Variants in USO1 observed in about 807,000 individuals in gnomAD.
USO1 encodes the protein general vesicular transport factor p115.
A neutral mutation model predicts 124.5 loss-of-function variants in USO1; 57 were observed. The observed-to-expected ratio is 0.46, with a 90% CI of 0.37 to 0.57. The LOEUF (loss-of-function observed/expected upper bound fraction) is 0.57, where lower values mean the gene tolerates loss of function less well. USO1 is among the 20% of genes least tolerant of loss of function. The pLI, the probability that USO1 is intolerant of heterozygous loss-of-function variation, is 0.00. For synonymous variants in USO1, 369 were observed against 362.8 expected (o/e 1.02, Z -0.19); for missense variants, 900 against 1,040.6 (o/e 0.86, Z 1.86).
intron 1 of USO1, among the ~76,000 whole-genome samples, chr4:75,748,621 C>A (rs913224921): frequency 2.6e-5 from 4 of 152,170 alleles, no homozygotes; most frequent in Non-Finnish European, 5.9e-5. Context: ...GCTCTATACA[C>A]CAACCAAAGG....
chr4:75,812,744 A>G (rs945600630), intron 23 of USO1, among the ~76,000 whole-genome samples: 1 of 152,210 alleles, frequency 6.6e-6, no homozygotes, highest in Non-Finnish European at 1.5e-5. Flanking sequence ...TATCTCATTC[A>G]TATTAGAAAT....
At chr4:75,756,480 A>G (rs1166208244) in intron 3 of USO1, among the ~76,000 whole-genome samples, 1 of 151,374 alleles carries the variant, frequency 6.6e-6, no homozygotes, top group African/African-American at 2.4e-5. Flanking sequence ...CTCTTATGTA[A>G]AGTGGTCTTT....
At chr4:75,757,604 C>A in intron 4 of USO1, 31 bp downstream of exon 4, 2 of 1,431,512 alleles carry the variant, frequency 1.4e-6, no homozygotes, top group Non-Finnish European at 1.8e-6. Context: ...ACTGTGTTTT[C>A]TGTACTTAAA....
At chr4:75,793,205 C>CTT (rs67560505) in intron 12 of USO1, among the ~76,000 whole-genome samples, 52 of 87,714 alleles carry the variant, frequency 5.9e-4, no homozygotes, top group African/African-American at 9.2e-4. Flanking sequence ...TCTCTCTCTC[C>CTT]TTTTTTTTTT....
intron 1 of USO1, among the ~76,000 whole-genome samples, chr4:75,729,116 A>G (rs1720553318): frequency 6.6e-6 from 1 of 151,958 alleles, no homozygotes; most frequent in African/African-American, 2.4e-5. Flanking sequence ...GTACTTTTAC[A>G]TTTCATTTCT....
At chr4:75,755,467 G>T in intron 3 of USO1, 1 of 519,862 alleles carries the variant, frequency 1.9e-6, no homozygotes, top group East Asian at 5.5e-5. Context: ...TGAAGTTCAT[G>T]TTTCTCAAAC....
At position 75,742,004 on chromosome 4, in the gene USO1, C is replaced by A. The variant is rs114232987; in HGVS notation, c.67-10369C>A. 4.9e-3 allele frequency among the ~76,000 whole-genome samples: 740 copies of A among 152,250 alleles called. 5 individuals carry two copies. The highest frequency in any genetic ancestry group is 0.017 in the African/African-American group (686 of 41,554). On this transcript the variant is annotated intron_variant, in intron 1 of 23. Coordinates refer to ENST00000514213, the MANE Select transcript of USO1 (RefSeq NM_003715.4). The stretch of plus-strand genomic sequence containing the variant: ...CTCATCTCTTGTTCCACTGGAAGGT[C>A]TTCAGGGGCAGTAACATGCAATAGA...
intron 21 of USO1, among the ~76,000 whole-genome samples, chr4:75,809,857 C>T (rs1723094541): frequency 6.6e-6 from 1 of 152,192 alleles, no homozygotes; most frequent in Non-Finnish European, 1.5e-5. Flanking sequence ...GTCTACCATG[C>T]ACCTCTCTTA....
In USO1 at chr4:75,812,084, A is replaced by C. The variant is rs970632673; in HGVS notation, c.2584-76A>C. The C allele has an allele frequency of 1.4e-5, 22 of 1,536,436 alleles. No individual in the cohort carries two copies. In the African/African-American group the frequency reaches 2.8e-4, roughly 19 times the overall value. ...AACAAGTACAGTGATTTGTCATAGA[A>C]AGAAACTATTTGTTAAAAACTCTAG... On this transcript the variant is annotated intron_variant, in intron 22 of 23. Coordinates refer to ENST00000514213, the MANE Select transcript of USO1 (RefSeq NM_003715.4).
chr4:75,760,646 TA>T (rs1316212164), intron 4 of USO1: 3 of 397,772 alleles, frequency 7.5e-6, no homozygotes, highest in African/African-American at 6.2e-5. Flanking sequence ...CTTTTAGGCA[TA>T]GTTTCTGATA....
chr4:75,776,322 C>G (rs571404459), intron 8 of USO1, among the ~76,000 whole-genome samples: 17 of 152,068 alleles, frequency 1.1e-4, no homozygotes, highest in Admixed American at 1.1e-3. Flanking sequence ...TTTAAAGAAA[C>G]GGAGCATTTC....
At position 75,790,150 on chromosome 4, in the gene USO1, A is replaced by G. The variant is rs1044391186; in HGVS notation, c.997A>G (p.Thr333Ala). 6 of 1,590,292 alleles carry G rather than the reference A, an allele frequency of 3.8e-6. No homozygotes were observed. The highest frequency in any genetic ancestry group is 1.3e-5 in the African/African-American group (1 of 74,608). ...TCTTTTTCTTTCTTCCCCTTAACAG[A>G]CCATAAATACTGTATCAGAAGTTAT... Reference protein sequence around the residue: ...TGVPADILTETINTVSEVIRG... With the variant: ...TGVPADILTEAINTVSEVIRG... The change falls in exon 11 of 24, where the codon ACC becomes GCC. Residue 333 changes from threonine to alanine, a missense_variant and splice_region_variant. Coordinates refer to ENST00000514213, the MANE Select transcript of USO1 (RefSeq NM_003715.4).
intron 1 of USO1, among the ~76,000 whole-genome samples, chr4:75,739,001 C>T (rs10856857): frequency 0.29 from 44,556 of 151,526 alleles, 8,558 homozygotes; most frequent in East Asian, 0.76. Flanking sequence ...TACAGGTGCC[C>T]GCCACCATGC....
chr4:75,747,996 C>T (rs1475289852), intron 1 of USO1, among the ~76,000 whole-genome samples: 5 of 149,588 alleles, frequency 3.3e-5, no homozygotes, highest in Non-Finnish European at 5.9e-5. Flanking sequence ...CAACCTCCGC[C>T]TCCTGGGTTC....
intron 1 of USO1, among the ~76,000 whole-genome samples, chr4:75,747,381 GTCC>G (rs1721154868): frequency 6.6e-6 from 1 of 152,060 alleles, no homozygotes; most frequent in South Asian, 2.1e-4. Context: ...TGCTCAAGCA[GTCC>G]TCCTACCTCA....
chr4:75,757,743 G>A (rs1292522037), intron 4 of USO1, among the ~76,000 whole-genome samples, 170 bp downstream of exon 4: 1 of 152,054 alleles, frequency 6.6e-6, no homozygotes, highest in Non-Finnish European at 1.5e-5. Flanking sequence ...AGTGTCTTTA[G>A]GATGATTGCT....
intron 12 of USO1, 133 bp downstream of exon 12, chr4:75,790,930 C>T: frequency 1.8e-6 from 2 of 1,134,428 alleles, no homozygotes; most frequent in Non-Finnish European, 2.3e-6. Flanking sequence ...AAAACAAAAA[C>T]ACCTGAATTC....
intron 9 of USO1, among the ~76,000 whole-genome samples, chr4:75,784,730 G>T (rs1253750135): frequency 6.6e-6 from 1 of 151,622 alleles, no homozygotes; most frequent in Non-Finnish European, 1.5e-5. Flanking sequence ...GGTTGAGGCT[G>T]CATTGAACCA....
chr4:75,732,171 C>A (rs556163393), intron 1 of USO1, among the ~76,000 whole-genome samples: 5 of 152,052 alleles, frequency 3.3e-5, no homozygotes, highest in African/African-American at 4.8e-5. Context: ...ACCTTCCCCC[C>A]GTTGTTGTCC....
Sources: allele counts gnomAD v4.1 joint callset (sites outside exome capture counted in the v4.1 genomes callset), GRCh38; gene constraint gnomAD v4.1.1; transcripts MANE v1.5; gene names NCBI Gene and HGNC (gene_info 2026-07-23, HGNC 2026-07-21).